Variants in CFAP91 observed in about 807,000 individuals in gnomAD.
The protein encoded by CFAP91 is cilia- and flagella-associated protein 91.
CFAP91 carries 85 observed loss-of-function variants against 95.9 expected under a neutral mutation model. The ratio of observed to expected loss-of-function variants is 0.89; its 90% confidence interval spans 0.74 to 1.06. The LOEUF (loss-of-function observed/expected upper bound fraction) is 1.06. CFAP91 is among the 50% of genes least tolerant of loss of function. CFAP91 has a pLI of 0.00. For synonymous variants in CFAP91, 335 were observed against 327.5 expected (o/e 1.02, Z -0.25); for missense variants, 962 against 943.4 (o/e 1.02, Z -0.26).
In CFAP91 at chr3:119,730,237, T is replaced by G. The variant is rs934195549; in HGVS notation, c.878T>G (p.Leu293Arg). ...QEIEKLQEIR[L>R]EVLKELLRKR... ...ACTTGAAGACTGCAGGAGATTCGCCTGGAAGTTCTAAAAGAGCTGTTGAGG... is the reference window on the plus strand; with the variant it reads ...ACTTGAAGACTGCAGGAGATTCGCCGGGAAGTTCTAAAAGAGCTGTTGAGG... The change falls in exon 8 of 18, where the codon CTG (leucine) becomes CGG (arginine). Residue 293 changes from leucine to arginine, a missense_variant. Physicochemically the swap from Leu to Arg is moderately radical, Grantham distance 102. Transcript: ENST00000273390. 5.0e-6 allele frequency: 8 copies of G among 1,613,598 alleles called. No homozygotes were observed. In the Admixed American group the frequency reaches 1.3e-4, roughly 27 times the overall value.
Position 119,766,771 on chromosome 3 carries a change from A to G in CFAP91, c.*1721A>G, listed in dbSNP as rs1184715001. On this transcript the variant is annotated 3_prime_UTR_variant, in exon 18 of 18. Transcript: ENST00000273390. The stretch of plus-strand genomic sequence containing the variant: ...TGTGTTCCAGTAAAATTTTATTTTA[A>G]TTAAAATCAATTCATGTTTGAAAAA... 1.3e-5 allele frequency: 2 copies of G among 152,276 alleles called. No homozygotes were observed. Among genetic ancestry groups the G allele is most frequent in the African/African-American group, 4.8e-5 (2 of 41,478 alleles). 9.4% of individuals were successfully genotyped at this position (152,276 alleles called of 1,614,324 possible).
At position 119,740,594 on chromosome 3, in the gene CFAP91, C is replaced by G; in HGVS notation, c.1579C>G (p.Arg527Gly). 6.2e-7 allele frequency: 1 copy of G among 1,614,138 alleles called. No homozygotes were observed. The highest frequency in any genetic ancestry group is 8.5e-7 in the Non-Finnish European group (1 of 1,180,020). ...GCGACTGGAGTTGATCCAGGAGTTGCGCACCTGCCACGCACTACAAGAAGA... is the reference window on the plus strand; with the variant it reads ...GCGACTGGAGTTGATCCAGGAGTTGGGCACCTGCCACGCACTACAAGAAGA... ...EKRLELIQELRTCHALQEDEK... is the reference protein window; with the variant it reads ...EKRLELIQELGTCHALQEDEK... Residue 527 changes from arginine to glycine, a missense_variant, in exon 13 of 18, where the codon CGC becomes GGC. Coordinates refer to ENST00000273390, the MANE Select transcript of CFAP91 (RefSeq NM_033364.4).
Position 119,740,835 on chromosome 3 carries a change from T to TTGTGTGTGTGTG in CFAP91, c.1680+169_1680+180dup, listed in dbSNP as rs57901016. 4,280 of 513,886 alleles carry TTGTGTGTGTGTG rather than the reference T, an allele frequency of 8.3e-3. 16 individuals are homozygous for TTGTGTGTGTGTG. The highest frequency in any genetic ancestry group is 0.027 in the East Asian group (577 of 21,422). 31.8% of individuals were successfully genotyped at this position (513,886 alleles called of 1,614,324 possible). ...CACAATCCCATCACTCTGTCAGCAT[T>TTGTGTGTGTGTG]TGTGTGTGTGTGTGTGTGTGTGTGT... On this transcript the variant is annotated intron_variant, in intron 13 of 17. Transcript: ENST00000273390.
chr3:119,724,846 G>A (rs1470719082), intron 6 of CFAP91, among the ~76,000 whole-genome samples: 1 of 152,186 alleles, frequency 6.6e-6, no homozygotes, highest in Non-Finnish European at 1.5e-5. Context: ...TGGGGTTCAA[G>A]TGATTCTTCT....
At chr3:119,742,316 G>A (rs530078339) in intron 13 of CFAP91, among the ~76,000 whole-genome samples, 28 of 152,306 alleles carry the variant, frequency 1.8e-4, no homozygotes, top group Non-Finnish European at 3.8e-4. Flanking sequence ...ATGTATAGAT[G>A]CAGCAATGCT....
At chr3:119,718,058 G>C (rs2053612554) in intron 6 of CFAP91, among the ~76,000 whole-genome samples, 1 of 152,166 alleles carries the variant, frequency 6.6e-6, no homozygotes, top group Non-Finnish European at 1.5e-5. Flanking sequence ...GGGTGCTTAT[G>C]AGAGAAACCT....
At chr3:119,749,253 T>C (rs2054280108) in intron 16 of CFAP91, 1 of 152,224 alleles carries the variant, frequency 6.6e-6, no homozygotes, top group South Asian at 2.1e-4. Flanking sequence ...CCAGGTGCAG[T>C]GGCTGAAGTC....
intron 11 of CFAP91, among the ~76,000 whole-genome samples, chr3:119,738,790 A>G (rs1446880018): frequency 6.6e-6 from 1 of 152,182 alleles, no homozygotes; most frequent in East Asian, 1.9e-4. Context: ...ATTTTTATAG[A>G]TGGCTAACCT....
Position 119,726,324 on chromosome 3 carries a change from C to T in CFAP91, c.836C>T (p.Ala279Val). 1 of 1,612,786 alleles carries T rather than the reference C, an allele frequency of 6.2e-7. No individual in the cohort carries two copies. Among genetic ancestry groups the T allele is most frequent in the Non-Finnish European group, 8.5e-7 (1 of 1,179,514 alleles). ...AATGAAATGGAGAGGAAGGAGTGGGCCTTCAGAGAGCAGGAGATTGAAAAG... is the reference window on the plus strand; with the variant it reads ...AATGAAATGGAGAGGAAGGAGTGGGTCTTCAGAGAGCAGGAGATTGAAAAG... Reference protein sequence around the residue: ...MMNEMERKEWAFREQEIEKLQ... With the variant: ...MMNEMERKEWVFREQEIEKLQ... The change falls in exon 7 of 18, where the codon GCC becomes GTC. Residue 279 changes from alanine to valine, a missense_variant. Coordinates refer to ENST00000273390, the MANE Select transcript of CFAP91 (RefSeq NM_033364.4).
chr3:119,704,118 T>C (rs2053313135), intron 1 of CFAP91, among the ~76,000 whole-genome samples: 1 of 152,250 alleles, frequency 6.6e-6, no homozygotes, highest in Non-Finnish European at 1.5e-5. Context: ...AGTGTTTTTC[T>C]GTATTTACTC....
chr3:119,715,818 T>C (rs1179178909), intron 6 of CFAP91, 75 bp downstream of exon 6: 2 of 1,329,786 alleles, frequency 1.5e-6, no homozygotes, highest in South Asian at 1.2e-5. Flanking sequence ...ATGGCCCATG[T>C]ACAGGCAATT....
At chr3:119,757,872 A>T (rs1285687639) in intron 17 of CFAP91, among the ~76,000 whole-genome samples, 1 of 152,138 alleles carries the variant, frequency 6.6e-6, no homozygotes, top group African/African-American at 2.4e-5. Context: ...AAATTTTCCC[A>T]TATAATGTTA....
At chr3:119,719,816 A>G (rs990911255) in intron 6 of CFAP91, among the ~76,000 whole-genome samples, 6 of 152,218 alleles carry the variant, frequency 3.9e-5, no homozygotes, top group Non-Finnish European at 5.9e-5. Flanking sequence ...TTAAAAACTT[A>G]GAAAGGCTGG....
chr3:119,727,613 A>T (rs2053808345), intron 7 of CFAP91, among the ~76,000 whole-genome samples: 1 of 152,168 alleles, frequency 6.6e-6, no homozygotes, highest in Non-Finnish European at 1.5e-5. Flanking sequence ...CTTATGGTCC[A>T]CTGGGGCAGG....
At chr3:119,715,061 G>A (rs899585779) in intron 5 of CFAP91, among the ~76,000 whole-genome samples, 1 of 152,150 alleles carries the variant, frequency 6.6e-6, no homozygotes, top group African/African-American at 2.4e-5. Flanking sequence ...TATCCAGATA[G>A]AGCCTGTCTG....
intron 12 of CFAP91, among the ~76,000 whole-genome samples, chr3:119,739,992 G>A (rs1054531416): frequency 2.0e-5 from 3 of 152,172 alleles, no homozygotes; most frequent in Non-Finnish European, 4.4e-5. Context: ...AAAATGGACT[G>A]ATATAAAGCC....
At position 119,730,223 on chromosome 3, in the gene CFAP91, G is replaced by A; in HGVS notation, c.864G>A (p.Leu288=). Reference sequence around the variant, plus strand: ...ATGTTTTGTAATTTACTTGAAGACTGCAGGAGATTCGCCTGGAAGTTCTAA... The same window carrying A: ...ATGTTTTGTAATTTACTTGAAGACTACAGGAGATTCGCCTGGAAGTTCTAA... ...WAFREQEIEK[L]QEIRLEVLKE... Residue 288 remains leucine (L), a synonymous_variant, in exon 8 of 18, where the codon CTG becomes CTA. Transcript: ENST00000273390. 1 of 1,613,284 alleles carries A rather than the reference G, an allele frequency of 6.2e-7. No homozygotes were observed. Among genetic ancestry groups the A allele is most frequent in the South Asian group, 1.1e-5 (1 of 90,926 alleles).
intron 6 of CFAP91, among the ~76,000 whole-genome samples, chr3:119,720,387 ACT>A (rs2053660399): frequency 1.6e-5 from 2 of 126,666 alleles, no homozygotes; most frequent in Non-Finnish European, 3.5e-5. Flanking sequence ...ACAGAGCAAG[ACT>A]CTGTCTCAAA....
chr3:119,729,681 T>C (rs2053856741), intron 7 of CFAP91, among the ~76,000 whole-genome samples: 1 of 151,334 alleles, frequency 6.6e-6, no homozygotes. Flanking sequence ...ATATCTAAGC[T>C]GGAGGTACAG....
Sources: gnomAD v4.1 joint callset for allele counts (sites outside exome capture counted in the v4.1 genomes callset) on GRCh38, gnomAD v4.1.1 for gene constraint, MANE v1.5 for transcripts, NCBI Gene and HGNC (gene_info 2026-07-23, HGNC 2026-07-21) for gene names.